AP3S1: variants seen among roughly 807,000 people sequenced by gnomAD.
AP3S1 encodes the protein AP-3 complex subunit sigma-1.
A neutral mutation model predicts 21.3 loss-of-function variants in AP3S1; 12 were observed. The observed-to-expected ratio is 0.56, with a 90% CI of 0.36 to 0.91. The LOEUF is 0.91. AP3S1 is among the 40% of genes least tolerant of loss of function. The pLI is 0.01. For synonymous variants in AP3S1, 48 were observed against 78.4 expected (o/e 0.61, Z 2.05); for missense variants, 116 against 225.0 (o/e 0.52, Z 3.10).
intron 4 of AP3S1, 137 bp downstream of exon 4, chr5:115,895,295 C>T (rs1750659653): frequency 5.3e-6 from 3 of 568,908 alleles, no homozygotes; most frequent in Non-Finnish European, 8.8e-6. Flanking sequence ...TTACTATGAG[C>T]CAGGCTTTGT....
At chr5:115,886,094 G>T (rs1749754396) in intron 3 of AP3S1, among the ~76,000 whole-genome samples, 1 of 152,188 alleles carries the variant, frequency 6.6e-6, no homozygotes, top group African/African-American at 2.4e-5. Flanking sequence ...ACCATTAAGT[G>T]TTAGTGGTTA....
chr5:115,878,797 A>T (rs1484879989), intron 3 of AP3S1, among the ~76,000 whole-genome samples: 2 of 152,138 alleles, frequency 1.3e-5, no homozygotes, highest in African/African-American at 4.8e-5. Flanking sequence ...CAGTGTGGCC[A>T]TTTTCACGAT....
intron 1 of AP3S1, 124 bp downstream of exon 1, chr5:115,842,230 T>A: frequency 1.5e-6 from 2 of 1,361,282 alleles, no homozygotes; most frequent in Non-Finnish European, 1.9e-6. Flanking sequence ...CCCGGCCGCC[T>A]GGCGCTCGCC....
chr5:115,856,622 G>A (rs1429517983), intron 1 of AP3S1, among the ~76,000 whole-genome samples: 1 of 146,382 alleles, frequency 6.8e-6, no homozygotes, highest in Non-Finnish European at 1.5e-5. Flanking sequence ...CCACCACCAT[G>A]CTCAACTAAG....
At chr5:115,904,346 T>C (rs1751465959) in intron 5 of AP3S1, among the ~76,000 whole-genome samples, 2 of 152,224 alleles carry the variant, frequency 1.3e-5, no homozygotes, top group South Asian at 4.1e-4. Context: ...AAGGATCAGT[T>C]TAACTCAATT....
chr5:115,905,607 A>G (rs944323052), intron 5 of AP3S1, among the ~76,000 whole-genome samples: 1 of 152,236 alleles, frequency 6.6e-6, no homozygotes, highest in African/African-American at 2.4e-5. Flanking sequence ...TCTTTTTAAA[A>G]CAGCACTGAA....
At chr5:115,879,844 T>A (rs1202333755) in intron 3 of AP3S1, among the ~76,000 whole-genome samples, 1 of 152,186 alleles carries the variant, frequency 6.6e-6, no homozygotes, top group Non-Finnish European at 1.5e-5. Context: ...TGGGCTTTTT[T>A]TGGTTGTTAG....
intron 5 of AP3S1, chr5:115,909,012 C>G: frequency 1.0e-6 from 1 of 983,232 alleles, no homozygotes; most frequent in East Asian, 1.1e-4. Context: ...TAGCAACTTC[C>G]AGCAGGAAGG....
intron 3 of AP3S1, among the ~76,000 whole-genome samples, chr5:115,889,277 A>G (rs1377094695): frequency 6.6e-6 from 1 of 152,202 alleles, no homozygotes; most frequent in Non-Finnish European, 1.5e-5. Flanking sequence ...ACATATAGGT[A>G]ATCAATGGAA....
chr5:115,849,798 C>T (rs1176501226), intron 1 of AP3S1, among the ~76,000 whole-genome samples: 1 of 151,896 alleles, frequency 6.6e-6, no homozygotes, highest in African/African-American at 2.4e-5. Flanking sequence ...TGGTGTGTGC[C>T]TATAGTCCCA....
At chr5:115,908,075 A>T (rs1751803856) in intron 5 of AP3S1, among the ~76,000 whole-genome samples, 1 of 152,108 alleles carries the variant, frequency 6.6e-6, no homozygotes, top group African/African-American at 2.4e-5. Context: ...TACTCTCTCG[A>T]TGTGTTTGAG....
At chr5:115,868,704 A>G (rs1391616655) in intron 2 of AP3S1, among the ~76,000 whole-genome samples, 2 of 151,860 alleles carry the variant, frequency 1.3e-5, no homozygotes, top group Non-Finnish European at 2.9e-5. Context: ...CAACATGGTG[A>G]AACCCCATCT....
chr5:115,869,562 C>T (rs145576423), intron 2 of AP3S1, among the ~76,000 whole-genome samples: 16 of 152,270 alleles, frequency 1.1e-4, no homozygotes, highest in Admixed American at 3.3e-4. Context: ...CTGAAATGCT[C>T]TTCTCTAAAT....
chr5:115,870,170 G>GA (rs1487241428), intron 3 of AP3S1, 42 bp downstream of exon 3: 2 of 1,267,544 alleles, frequency 1.6e-6, no homozygotes, highest in Non-Finnish European at 2.2e-6. Context: ...ATAACAGTTT[G>GA]ACATTTAAAT....
intron 5 of AP3S1, among the ~76,000 whole-genome samples, chr5:115,906,475 G>C (rs1462063328): frequency 9.2e-5 from 14 of 152,170 alleles, no homozygotes; most frequent in Admixed American, 7.9e-4. Context: ...TCCTGAAAGA[G>C]AGAAGCAAAG....
chr5:115,879,998 T>A (rs535000549), intron 3 of AP3S1, among the ~76,000 whole-genome samples: 68 of 152,130 alleles, frequency 4.5e-4, no homozygotes, highest in African/African-American at 1.5e-3. Flanking sequence ...TTGCGTAGAG[T>A]TGTTTATAGT....
At chr5:115,855,591 T>C (rs931823551) in intron 1 of AP3S1, among the ~76,000 whole-genome samples, 2 of 152,192 alleles carry the variant, frequency 1.3e-5, no homozygotes, top group African/African-American at 2.4e-5. Context: ...CCTCCCACCT[T>C]GGCCTCCCAA....
At chr5:115,874,813 A>G (rs142477797) in intron 3 of AP3S1, among the ~76,000 whole-genome samples, 2 of 151,842 alleles carry the variant, frequency 1.3e-5, no homozygotes, top group African/African-American at 2.4e-5. Context: ...TTGCCTACAG[A>G]CAAGAGGTTG....
chr5:115,914,075 C>T lies in AP3S1; in HGVS notation c.*585C>T, dbSNP rs1454840834. ...AAGTAAATAAAAGTATATTTTATCA[C>T]TATTAAGCAGATGTTAATGTCGATT... On this transcript the variant is annotated 3_prime_UTR_variant, in exon 6 of 6. Coordinates refer to ENST00000316788, the MANE Select transcript of AP3S1 (RefSeq NM_001284.4). 1.1e-5 allele frequency: 1 copy of T among 89,292 alleles called. No homozygotes were observed. Among genetic ancestry groups the T allele is most frequent in the Non-Finnish European group, 2.4e-5 (1 of 41,930 alleles). 5.5% of individuals were successfully genotyped at this position (89,292 alleles called of 1,614,324 possible).
Sources: allele counts gnomAD v4.1 joint callset (sites outside exome capture counted in the v4.1 genomes callset), GRCh38; gene constraint gnomAD v4.1.1; transcripts MANE v1.5; gene names NCBI Gene and HGNC (gene_info 2026-07-23, HGNC 2026-07-21).